The following GAPVD1 variants were observed in gnomAD, a reference collection of about 807,000 sequenced individuals.
GAPVD1 encodes the protein GTPase activating protein and VPS9 domains 1.
Under a neutral mutation model 155.5 loss-of-function variants are expected in GAPVD1, and 35 were observed. That is an observed-to-expected ratio of 0.23 (90% CI 0.17 to 0.30). GAPVD1 has a LOEUF of 0.30. Among genes scored for constraint, GAPVD1 ranks in the 10% least tolerant of loss-of-function variants. The pLI is 1.00. For missense variants in GAPVD1, 1,429 were observed against 1,775.7 expected, an observed-to-expected ratio of 0.80 and a Z score of 3.51; for synonymous variants, 636 against 619.7, an observed-to-expected ratio of 1.03 and a Z score of -0.39.
chr9:125,345,151 T>C (rs1166947230), intron 19 of GAPVD1, among the ~76,000 whole-genome samples: 2 of 151,870 alleles, frequency 1.3e-5, no homozygotes, highest in African/African-American at 2.4e-5. Context: ...GTGTGAAATG[T>C]AGTGTTTTCT....
chr9:125,315,014 C>T (rs1157845555), intron 9 of GAPVD1, among the ~76,000 whole-genome samples: 1 of 152,064 alleles, frequency 6.6e-6, no homozygotes, highest in Non-Finnish European at 1.5e-5. Context: ...GTCTCGATCT[C>T]CTGACCTCGT....
At chr9:125,351,272 ACCTCCCACTGGGTC>A (rs1002846363) in intron 23 of GAPVD1, among the ~76,000 whole-genome samples, 1 of 152,076 alleles carries the variant, frequency 6.6e-6, no homozygotes, top group African/African-American at 2.4e-5. Flanking sequence ...TGATTCAATT[ACCTCCCACTGGGTC>A]CCTCCCACAA....
At chr9:125,299,888 A>T (rs1840490512) in intron 4 of GAPVD1, among the ~76,000 whole-genome samples, 1 of 142,242 alleles carries the variant, frequency 7.0e-6, no homozygotes, top group Non-Finnish European at 1.5e-5. Flanking sequence ...GCATGGTGGC[A>T]TACGCCTGTA....
chr9:125,346,743 G>A, intron 19 of GAPVD1, 76 bp from the exon 20 acceptor site: 1 of 1,125,594 alleles, frequency 8.9e-7, no homozygotes, highest in Non-Finnish European at 1.4e-6. Flanking sequence ...TTGGGATTAT[G>A]CTACTGGTGT....
At position 125,299,423 on chromosome 9, in the gene GAPVD1, C is replaced by T. The variant is rs190936148; in HGVS notation, c.185+317C>T. 8.5e-5 allele frequency among the ~76,000 whole-genome samples: 13 copies of T among 152,226 alleles called. No individual in the cohort carries two copies. The East Asian group carries it at 2.5e-3, about 29-fold the overall frequency. ...CTATAATCCCAGCACTTTGGGAGGC[C>T]AAGGCGGGTGGATCATGAGGGCAGG... On this transcript the variant is annotated intron_variant, in intron 4 of 27. Coordinates refer to ENST00000297933, the MANE Select transcript of GAPVD1 (RefSeq NM_001282680.3).
At chr9:125,311,323 T>C (rs998741779) in intron 8 of GAPVD1, among the ~76,000 whole-genome samples, 2 of 152,154 alleles carry the variant, frequency 1.3e-5, no homozygotes, top group Non-Finnish European at 2.9e-5. Context: ...GGAAGGTACA[T>C]TTAAAAACTG....
intron 22 of GAPVD1, 140 bp from the exon 23 acceptor site, chr9:125,350,573 A>G (rs1254708472): frequency 2.9e-6 from 2 of 680,110 alleles, no homozygotes; most frequent in Non-Finnish European, 5.0e-6. Flanking sequence ...TTATTAAAGT[A>G]TTTTCTAATT....
intron 6 of GAPVD1, among the ~76,000 whole-genome samples, chr9:125,306,701 C>T (rs1841881370): frequency 6.6e-6 from 1 of 152,178 alleles, no homozygotes; most frequent in Non-Finnish European, 1.5e-5. Context: ...CCCTGTTGCC[C>T]CAAGTGGTTT....
intron 1 of GAPVD1, among the ~76,000 whole-genome samples, chr9:125,262,672 A>T (rs1378391689): frequency 6.6e-6 from 1 of 152,212 alleles, no homozygotes; most frequent in East Asian, 1.9e-4. Flanking sequence ...TTTTAAATTT[A>T]TGACGAAAAT....
At chr9:125,342,658 A>G (rs1847980253) in intron 19 of GAPVD1, among the ~76,000 whole-genome samples, 1 of 152,160 alleles carries the variant, frequency 6.6e-6, no homozygotes, top group South Asian at 2.1e-4. Context: ...GTATCTTTGG[A>G]TCATTGATTG....
intron 8 of GAPVD1, 173 bp downstream of exon 8, chr9:125,308,053 C>T: frequency 1.6e-6 from 1 of 615,974 alleles, no homozygotes; most frequent in Non-Finnish European, 2.9e-6. Context: ...TAAGGTTTAT[C>T]AGTAGTCTTT....
intron 2 of GAPVD1, among the ~76,000 whole-genome samples, chr9:125,294,626 G>A (rs1266547591): frequency 3.3e-5 from 5 of 149,754 alleles, no homozygotes; most frequent in African/African-American, 7.4e-5. Flanking sequence ...GATTACAGGC[G>A]TGAGCCACCG....
chr9:125,300,039 ATATATATATATATATATAT>A lies in GAPVD1; in HGVS notation c.185+934_185+952del, dbSNP rs1210312677. On this transcript the variant is annotated intron_variant, in intron 4 of 27. Transcript: ENST00000297933. ...GTCTCAAAAGAAAAAAAAAAAAAAA[ATATATATATATATATATAT>A]ATATATATATATATATATATATATA... 8.9e-3 allele frequency among the ~76,000 whole-genome samples: 135 copies of A among 15,146 alleles called. 50 individuals carry two copies. The highest frequency in any genetic ancestry group is 0.013 in the Non-Finnish European group (104 of 8,302). 9.9% of individuals were successfully genotyped at this position (15,146 alleles called of 152,430 possible).
intron 1 of GAPVD1, among the ~76,000 whole-genome samples, chr9:125,262,639 A>G (rs532418554): frequency 6.6e-6 from 1 of 152,350 alleles, no homozygotes; most frequent in South Asian, 2.1e-4. Flanking sequence ...GAACTAGGTC[A>G]AAGGAGGAAT....
At chr9:125,345,539 C>T (rs1229925596) in intron 19 of GAPVD1, among the ~76,000 whole-genome samples, 1 of 152,104 alleles carries the variant, frequency 6.6e-6, no homozygotes, top group Non-Finnish European at 1.5e-5. Context: ...TGGACCTGTG[C>T]AGTTCAAACC....
rs141414767 is a variant in GAPVD1, at chr9:125,329,634, G to GTT, written c.2033-429_2033-428dup. ...CTTGTAGGTAGAGAGGAATTTGGTGGTTTTTTTTTTTTTTTTGAGACAAAG... is the reference window on the plus strand; with the variant it reads ...CTTGTAGGTAGAGAGGAATTTGGTGGTTTTTTTTTTTTTTTTTTGAGACAAAG... On this transcript the variant is annotated intron_variant, in intron 12 of 27. Transcript: ENST00000297933. Among the ~76,000 whole-genome samples, 327 of 141,142 alleles carry GTT rather than the reference G, an allele frequency of 2.3e-3. 2 individuals carry two copies. Among genetic ancestry groups the GTT allele is most frequent in the African/African-American group, 8.0e-3 (309 of 38,442 alleles). The allele number at this position is 141,142 out of a possible 152,430, so 92.6% of individuals were successfully genotyped here. A position where few individuals can be genotyped will look rare whatever the true frequency, so the allele number is the denominator to read the frequency against.
chr9:125,287,052 C>G (rs918862600), intron 2 of GAPVD1, among the ~76,000 whole-genome samples: 7 of 151,802 alleles, frequency 4.6e-5, no homozygotes, highest in African/African-American at 1.7e-4. Context: ...CCATTGCACT[C>G]CAGTCTGGGC....
chr9:125,337,036 C>T lies in GAPVD1; in HGVS notation c.2447C>T (p.Ser816Phe), dbSNP rs774179654. Residue 816 changes from serine (S) to phenylalanine (F), a missense_variant, in exon 16 of 28, where the codon TCT becomes TTT. Ser to Phe is a radical substitution (Grantham distance 155). Around this residue, in one of 4 missense-constraint regions of GAPVD1, gnomAD observed 699 missense variants for 826.0 expected, o/e 0.85. Transcript: ENST00000297933. The part of the protein sequence containing the change: ...EITHGAHQLT[S>F]PPSQSESLLA... ...GTTTTAGGTGCCCACCAGCTGACCT[C>T]TCCTCCTTCTCAGTCAGAGTCTCTG... is the stretch of plus-strand genomic sequence containing the variant. 46 of 1,611,788 alleles carry T rather than the reference C, an allele frequency of 2.9e-5. No homozygotes were observed. Among genetic ancestry groups the T allele is most frequent in the Non-Finnish European group, 3.8e-5 (45 of 1,177,974 alleles).
rs1332768686 is a variant in GAPVD1, at chr9:125,330,164, A to G, written c.2119A>G (p.Ile707Val). 4.3e-6 allele frequency: 7 copies of G among 1,612,208 alleles called. No individual in the cohort carries two copies. The highest frequency in any genetic ancestry group is 2.2e-5 in the East Asian group (1 of 44,886). The change falls in exon 13 of 28, where the codon ATA becomes GTA. Residue 707 changes from isoleucine (I) to valine (V), a missense_variant. By Grantham distance (29) the Ile-to-Val change is conservative (BLOSUM62 3). Around this residue, in one of 4 missense-constraint regions of GAPVD1, gnomAD observed 699 missense variants for 826.0 expected, o/e 0.85. Transcript: ENST00000297933. ...VLLDPCTGST[I>V]SETTSEAWSV... ...TCTTGACCCCTGCACTGGTTCTACCATATCAGAGACAACAAGTGAAGCTTG... is the reference window on the plus strand; with the variant it reads ...TCTTGACCCCTGCACTGGTTCTACCGTATCAGAGACAACAAGTGAAGCTTG...
Sources: allele counts gnomAD v4.1 joint callset (sites outside exome capture counted in the v4.1 genomes callset), GRCh38; gene constraint gnomAD v4.1.1; regional missense constraint gnomAD v4.1.1; transcripts MANE v1.5; gene names NCBI Gene and HGNC (gene_info 2026-07-23, HGNC 2026-07-21).